Variants in ZNF532 observed in about 807,000 individuals in gnomAD.
The protein encoded by ZNF532 is zinc finger protein 532.
ZNF532 carries 22 observed loss-of-function variants against 89.3 expected under a neutral mutation model. The observed-to-expected ratio is 0.25, with a 90% CI of 0.18 to 0.35. The LOEUF is 0.35. Among genes scored for constraint, ZNF532 ranks in the 10% least tolerant of loss-of-function variants. ZNF532 has a pLI of 1.00. For missense variants in ZNF532, 1,132 were observed against 1,643.4 expected (o/e 0.69, Z 5.38); for synonymous variants, 606 against 649.6 (o/e 0.93, Z 1.02).
At chr18:58,934,219 G>C in intron 3 of ZNF532, 1 of 459,102 alleles carries the variant, frequency 2.2e-6, no homozygotes, top group South Asian at 5.8e-5. Context: ...TTTGAGACGA[G>C]CCTGACTAGA....
intron 2 of ZNF532, among the ~76,000 whole-genome samples, chr18:58,882,019 G>A (rs1350020684): frequency 6.6e-6 from 1 of 152,068 alleles, no homozygotes; most frequent in Non-Finnish European, 1.5e-5. Context: ...GTACAGTGGT[G>A]CAATCTCAGC....
intron 7 of ZNF532, among the ~76,000 whole-genome samples, chr18:58,957,544 A>G (rs2064921259): frequency 6.6e-6 from 1 of 151,740 alleles, no homozygotes; most frequent in South Asian, 2.1e-4. Flanking sequence ...TAAGATTTGG[A>G]GTAAATATTT....
chr18:58,883,667 G>A (rs369360236), intron 2 of ZNF532, among the ~76,000 whole-genome samples: 22 of 152,298 alleles, frequency 1.4e-4, no homozygotes, highest in African/African-American at 4.8e-4. Context: ...CCTCAGCACC[G>A]TTAGCATTTG....
At chr18:58,899,308 T>C (rs998011050) in intron 2 of ZNF532, among the ~76,000 whole-genome samples, 4 of 152,240 alleles carry the variant, frequency 2.6e-5, no homozygotes, top group Admixed American at 1.3e-4. Context: ...ATGATTTGTT[T>C]ATCTGAAATT....
At chr18:58,939,138 T>C (rs1053877745) in intron 4 of ZNF532, among the ~76,000 whole-genome samples, 1 of 149,298 alleles carries the variant, frequency 6.7e-6, no homozygotes, top group African/African-American at 2.5e-5. Context: ...TCCCAGCTAC[T>C]TGGGAGGCTG....
intron 7 of ZNF532, among the ~76,000 whole-genome samples, chr18:58,962,416 A>C (rs1176307075): frequency 6.6e-6 from 1 of 152,150 alleles, no homozygotes; most frequent in African/African-American, 2.4e-5. Context: ...TTTCACAGTT[A>C]ATCTAATTTG....
chr18:58,908,116 G>C (rs552833253), intron 2 of ZNF532, among the ~76,000 whole-genome samples: 6 of 152,284 alleles, frequency 3.9e-5, no homozygotes, highest in South Asian at 2.1e-4. Context: ...TTATGACAAG[G>C]CTCCCTCTAA....
At chr18:58,942,286 T>C (rs2063195710) in intron 5 of ZNF532, among the ~76,000 whole-genome samples, 1 of 144,518 alleles carries the variant, frequency 6.9e-6, no homozygotes, top group African/African-American at 2.6e-5. Flanking sequence ...CCTCCCAAAG[T>C]GCTGGGATTA....
At position 58,918,766 on chromosome 18, in the gene ZNF532, G is replaced by T; in HGVS notation, c.479G>T (p.Arg160Met). Residue 160 changes from arginine (R) to methionine (M), a missense_variant, in exon 3 of 10, where the codon AGG becomes ATG. Around this residue, in one of 9 missense-constraint regions of ZNF532, gnomAD observed 302 missense variants for 319.8 expected, o/e 0.94. Coordinates refer to ENST00000591808, the MANE Select transcript of ZNF532 (RefSeq NM_001375912.1). ...AAGGAGGACATGCGATCAAGCTTCA[G>T]GTCGAATGTGTTGACGGGGTCGGCT... ...PDKEDMRSSF[R>M]SNVLTGSAPQ... 1 of 1,614,198 alleles carries T rather than the reference G, an allele frequency of 6.2e-7. No homozygotes were observed. Among genetic ancestry groups the T allele is most frequent in the South Asian group, 1.1e-5 (1 of 91,082 alleles).
At chr18:58,888,149 A>G (rs2145185615) in intron 2 of ZNF532, among the ~76,000 whole-genome samples, 1 of 151,714 alleles carries the variant, frequency 6.6e-6, no homozygotes, top group Admixed American at 6.5e-5. Flanking sequence ...CACAATCATC[A>G]TGAGTATTTT....
intron 5 of ZNF532, among the ~76,000 whole-genome samples, chr18:58,946,195 A>G (rs1345274745): frequency 6.6e-6 from 1 of 152,126 alleles, no homozygotes; most frequent in East Asian, 1.9e-4. Context: ...ATCATACCAT[A>G]CATTCTATCT....
intron 6 of ZNF532, among the ~76,000 whole-genome samples, chr18:58,949,092 A>ATGGTACC (rs2063916893): frequency 6.6e-6 from 1 of 151,768 alleles, no homozygotes; most frequent in African/African-American, 2.4e-5. Flanking sequence ...AGGATATAGT[A>ATGGTACC]TGGTACCTGG....
chr18:58,982,476 C>CTGGA, intron 9 of ZNF532, among the ~76,000 whole-genome samples: 1 of 151,562 alleles, frequency 6.6e-6, no homozygotes, highest in Non-Finnish European at 1.5e-5. Context: ...CAAAAATTAG[C>CTGGA]CAGGCGTGGT....
chr18:58,873,084 T>G (rs963627478), intron 2 of ZNF532, among the ~76,000 whole-genome samples: 1 of 151,798 alleles, frequency 6.6e-6, no homozygotes, highest in East Asian at 1.9e-4. Context: ...CTTTGCTCAC[T>G]GCAGCCTTAA....
At chr18:58,955,469 A>G (rs2064673146) in intron 7 of ZNF532, among the ~76,000 whole-genome samples, 2 of 152,254 alleles carry the variant, frequency 1.3e-5, no homozygotes, top group African/African-American at 4.8e-5. Flanking sequence ...TAGTGAGACT[A>G]TATAGAGAGT....
chr18:58,896,423 A>G (rs1184528562), intron 2 of ZNF532: 1 of 151,938 alleles, frequency 6.6e-6, no homozygotes, highest in Non-Finnish European at 1.5e-5. Context: ...TGCCTATTCT[A>G]GGCACTTCAA....
rs77488729 is a variant in ZNF532, at chr18:58,912,625, G to T, written c.-17-5646G>T. On this transcript the variant is annotated intron_variant, in intron 2 of 9. Coordinates refer to ENST00000591808, the MANE Select transcript of ZNF532 (RefSeq NM_001375912.1). ...ACCTGCAAGGTGCTCTGGGCTGGCTGTCTCGACTTAATCAGGGTCTGATTA... is the reference window on the plus strand; with the variant it reads ...ACCTGCAAGGTGCTCTGGGCTGGCTTTCTCGACTTAATCAGGGTCTGATTA... Among the ~76,000 whole-genome samples, 1,024 of 152,250 alleles carry T rather than the reference G, an allele frequency of 6.7e-3. 12 individuals carry two copies. Among genetic ancestry groups the T allele is most frequent in the African/African-American group, 0.019 (771 of 41,536 alleles).
In ZNF532 at chr18:58,983,962, TC is replaced by T. The variant is rs1219900589; in HGVS notation, c.3412-7del. ...TTTCAGTCGTGTCATTTGCTTTCTT[TC>T]CCTGAAAGGTCCCCAGTCCCAAGCG... On this transcript the variant is annotated splice_polypyrimidine_tract_variant and intron_variant, in intron 9 of 9. Transcript: ENST00000591808. 1.9e-6 allele frequency: 3 copies of T among 1,596,438 alleles called. No individual in the cohort carries two copies. Among genetic ancestry groups the T allele is most frequent in the Non-Finnish European group, 2.6e-6 (3 of 1,171,360 alleles).
intron 7 of ZNF532, among the ~76,000 whole-genome samples, chr18:58,955,243 C>T (rs930523763): frequency 6.6e-6 from 1 of 152,060 alleles, no homozygotes; most frequent in African/African-American, 2.4e-5. Flanking sequence ...GGCGATAGAG[C>T]GAGGCCCTGT....
Sources: allele counts gnomAD v4.1 joint callset (sites outside exome capture counted in the v4.1 genomes callset), GRCh38; gene constraint gnomAD v4.1.1; regional missense constraint gnomAD v4.1.1; transcripts MANE v1.5; gene names NCBI Gene and HGNC (gene_info 2026-07-23, HGNC 2026-07-21).